Variants in GNB1 observed in about 807,000 individuals in gnomAD.
GNB1 encodes guanine nucleotide-binding protein G(I)/G(S)/G(T) subunit beta-1.
GNB1 carries 2 observed loss-of-function variants against 42.9 expected under a neutral mutation model. The ratio of observed to expected loss-of-function variants is 0.05; its 90% confidence interval spans 0.02 to 0.15. The LOEUF (loss-of-function observed/expected upper bound fraction) is 0.15, where lower values mean the gene tolerates loss of function less well. Ranked by LOEUF, GNB1 falls within the 10% of genes least tolerant of loss-of-function variation. GNB1 has a pLI of 1.00. For synonymous variants in GNB1, 183 were observed against 174.7 expected, an observed-to-expected ratio of 1.05 and a Z score of -0.38; for missense variants, 193 against 462.2, an observed-to-expected ratio of 0.42 and a Z score of 5.34.
At chr1:1,809,067 T>C (rs1349242208) in intron 5 of GNB1, among the ~76,000 whole-genome samples, 2 of 152,214 alleles carry the variant, frequency 1.3e-5, no homozygotes, top group Non-Finnish European at 2.9e-5. Context: ...ACTAGATGTT[T>C]TGATACAGGT....
At chr1:1,836,255 G>A (rs1273699707) in intron 2 of GNB1, among the ~76,000 whole-genome samples, 1 of 152,094 alleles carries the variant, frequency 6.6e-6, no homozygotes, top group Non-Finnish European at 1.5e-5. Context: ...GGCGTGGGCT[G>A]TAGTCTCCAT....
At chr1:1,817,949 T>G in intron 3 of GNB1, 74 bp from the exon 4 acceptor site, 1 of 1,159,086 alleles carries the variant, frequency 8.6e-7, no homozygotes, top group East Asian at 2.3e-5. Flanking sequence ...ATACCAAAGT[T>G]TCAAAGAGAG....
In GNB1 at chr1:1,879,239, C is replaced by T. The variant is rs577687731; in HGVS notation, c.-96+11581G>A. On this transcript the variant is annotated intron_variant, in intron 1 of 11. Transcript: ENST00000378609. The stretch of plus-strand genomic sequence containing the variant: ...AACCAGCGCTGCTCAGATATTTCGG[C>T]TCAGACCCCCTCTACATCCTCAACT... 2.2e-3 allele frequency among the ~76,000 whole-genome samples: 334 copies of T among 152,316 alleles called. 2 individuals carry two copies. The highest frequency in any genetic ancestry group is 2.8e-3 in the Non-Finnish European group (193 of 68,034).
intron 7 of GNB1, among the ~76,000 whole-genome samples, chr1:1,798,030 G>A (rs1365095510): frequency 6.6e-6 from 1 of 152,262 alleles, no homozygotes; most frequent in Non-Finnish European, 1.5e-5. Flanking sequence ...CCTAGACCTG[G>A]AGGGAAAGGT....
chr1:1,882,272 A>G (rs1649887527), intron 1 of GNB1, among the ~76,000 whole-genome samples: 1 of 151,970 alleles, frequency 6.6e-6, no homozygotes, highest in Admixed American at 6.6e-5. Context: ...CTAAGATACA[A>G]AAAACATTAG....
intron 2 of GNB1, among the ~76,000 whole-genome samples, chr1:1,836,936 A>G (rs1243890400): frequency 2.7e-5 from 4 of 148,962 alleles, no homozygotes; most frequent in Non-Finnish European, 5.9e-5. Flanking sequence ...GCTTCAAGCA[A>G]TCCTCCTCCC....
chr1:1,820,168 C>A (rs1422464443), intron 3 of GNB1, among the ~76,000 whole-genome samples: 1 of 151,850 alleles, frequency 6.6e-6, no homozygotes. Flanking sequence ...ACAAGCCTGG[C>A]CAACATGGTG....
At chr1:1,878,651 C>T (rs7525092) in intron 1 of GNB1, among the ~76,000 whole-genome samples, 38,695 of 152,082 alleles carry the variant, frequency 0.25, 5,156 homozygotes, top group African/African-American at 0.29. Flanking sequence ...CTCACCAAGG[C>T]AAGTTGGCAT....
intron 1 of GNB1, among the ~76,000 whole-genome samples, chr1:1,845,652 A>G (rs955738022): frequency 1.3e-5 from 2 of 152,162 alleles, no homozygotes; most frequent in Non-Finnish European, 2.9e-5. Flanking sequence ...TGCCAGAGCG[A>G]AATAAGCGAA....
At chr1:1,881,946 T>C (rs1307877713) in intron 1 of GNB1, among the ~76,000 whole-genome samples, 1 of 152,102 alleles carries the variant, frequency 6.6e-6, no homozygotes. Flanking sequence ...CATCCCCACC[T>C]GCCTGCCAGA....
chr1:1,815,992 G>T, intron 4 of GNB1, 130 bp from the exon 5 acceptor site: 1 of 664,152 alleles, frequency 1.5e-6, no homozygotes. Flanking sequence ...CAGTTCTCCA[G>T]TGGCTTCCAC....
chr1:1,806,366 G>A (rs1054012132), intron 6 of GNB1, 109 bp downstream of exon 6: 13 of 661,714 alleles, frequency 2.0e-5, no homozygotes, highest in African/African-American at 3.6e-5. Context: ...AGAGCTTGCC[G>A]CTGCTGCCTT....
intron 1 of GNB1, among the ~76,000 whole-genome samples, chr1:1,880,393 G>A (rs1392709140): frequency 1.3e-5 from 2 of 151,978 alleles, no homozygotes; most frequent in Admixed American, 6.5e-5. Context: ...GAGGTCAGGA[G>A]ATCGAGACCA....
intron 1 of GNB1, among the ~76,000 whole-genome samples, chr1:1,860,735 T>A (rs1360368640): frequency 1.4e-5 from 2 of 140,172 alleles, no homozygotes; most frequent in Admixed American, 7.0e-5. Context: ...GGAGGAAGAG[T>A]CCCCACAAAC....
At chr1:1,797,501 C>T (rs1179113867) in intron 7 of GNB1, among the ~76,000 whole-genome samples, 2 of 151,522 alleles carry the variant, frequency 1.3e-5, no homozygotes, top group Non-Finnish European at 2.9e-5. Flanking sequence ...TGCAGTGGTG[C>T]GGCCTCTGCT....
chr1:1,793,832 AGGAG>A (rs2100553114), intron 7 of GNB1: 1 of 153,814 alleles, frequency 6.5e-6, no homozygotes, highest in Admixed American at 6.5e-5. Context: ...AAGCCAGGAG[AGGAG>A]GGAGGACGAG....
At chr1:1,817,955 G>GCTT (rs1646879276) in intron 3 of GNB1, 80 bp from the exon 4 acceptor site, 40 of 1,122,402 alleles carry the variant, frequency 3.6e-5, no homozygotes, top group Non-Finnish European at 4.9e-5. Flanking sequence ...AAGTTTCAAA[G>GCTT]AGAGCTTTCC....
intron 1 of GNB1, among the ~76,000 whole-genome samples, chr1:1,866,030 C>T (rs778220732): frequency 2.6e-5 from 4 of 152,022 alleles, no homozygotes; most frequent in Admixed American, 6.6e-5. Flanking sequence ...CTTCCGCCTC[C>T]GAGGTTCAAC....
chr1:1,802,798 T>C (rs1326912188), intron 7 of GNB1, among the ~76,000 whole-genome samples: 3 of 148,846 alleles, frequency 2.0e-5, no homozygotes, highest in Admixed American at 2.0e-4. Context: ...GAAACAAATG[T>C]GTGTGATGTG....
Sources: allele counts gnomAD v4.1 joint callset (sites outside exome capture counted in the v4.1 genomes callset), GRCh38; gene constraint gnomAD v4.1.1; transcripts MANE v1.5; gene names NCBI Gene and HGNC (gene_info 2026-07-23, HGNC 2026-07-21).